VAT1L: variants seen among roughly 807,000 people sequenced by gnomAD.
VAT1L encodes the protein vesicle amine transport 1 like, also known as putative NADPH-dependent quinone oxidoreductase VAT1L.
In VAT1L, 34 loss-of-function variants were observed where a neutral mutation model predicts 44.1. The ratio of observed to expected loss-of-function variants is 0.77; its 90% CI spans 0.59 to 1.03. VAT1L has a LOEUF of 1.03. Among genes scored for constraint, VAT1L ranks in the 50% least tolerant of loss-of-function variants. The pLI is 0.00. For missense variants in VAT1L, 615 were observed against 538.8 expected (o/e 1.14, Z -1.40); for synonymous variants, 253 against 202.2 (o/e 1.25, Z -2.13).
Position 77,795,277 on chromosome 16 carries a change from TGGG to T in VAT1L, c.233+6365_233+6367del, listed in dbSNP as rs145455817. Among the ~76,000 whole-genome samples, 7 of 71,208 alleles carry T rather than the reference TGGG, an allele frequency of 9.8e-5. No homozygotes were observed. In the East Asian group the frequency reaches 5.0e-3, roughly 51 times the overall value. 46.7% of individuals were successfully genotyped at this position (71,208 alleles called of 152,430 possible). ...AAGCAATAATTGGTAGAATTTACAG[TGGG>T]GGCGGGGGGAAAGATTGAGAAATTA... is the stretch of plus-strand genomic sequence containing the variant. On this transcript the variant is annotated intron_variant, in intron 1 of 8. Transcript: ENST00000302536.
chr16:77,921,153 G>T (rs1476191629), intron 7 of VAT1L, among the ~76,000 whole-genome samples: 1 of 152,164 alleles, frequency 6.6e-6, no homozygotes, highest in African/African-American at 2.4e-5. Flanking sequence ...ATGGTAAGAA[G>T]GGCCATTACT....
At chr16:77,948,480 G>C (rs919312985) in intron 7 of VAT1L, among the ~76,000 whole-genome samples, 3 of 152,168 alleles carry the variant, frequency 2.0e-5, no homozygotes, top group African/African-American at 7.2e-5. Context: ...TGGAACTGTC[G>C]TTATAGTTGT....
chr16:77,821,877 G>T (rs2016458872), intron 2 of VAT1L, among the ~76,000 whole-genome samples: 1 of 152,124 alleles, frequency 6.6e-6, no homozygotes. Flanking sequence ...GAACATTTGA[G>T]CTGAGCTTTA....
At chr16:77,815,968 C>CAAA (rs57312031) in intron 1 of VAT1L, among the ~76,000 whole-genome samples, 641 of 32,826 alleles carry the variant, frequency 0.02, 12 homozygotes, top group African/African-American at 0.039. Flanking sequence ...AACTCTGTCT[C>CAAA]AAAAAAAAAA....
intron 6 of VAT1L, among the ~76,000 whole-genome samples, chr16:77,883,040 A>C (rs139062981): frequency 2.6e-5 from 4 of 152,258 alleles, no homozygotes; most frequent in Admixed American, 2.0e-4. Context: ...ATTGTTTTCA[A>C]CCTGCCTTTT....
At chr16:77,959,710 A>G (rs1415360677) in intron 7 of VAT1L, among the ~76,000 whole-genome samples, 1 of 152,220 alleles carries the variant, frequency 6.6e-6, no homozygotes, top group African/African-American at 2.4e-5. Context: ...GTTGGCTACT[A>G]TGAAGCACTA....
At chr16:77,953,182 A>G (rs1365424817) in intron 7 of VAT1L, among the ~76,000 whole-genome samples, 1 of 152,158 alleles carries the variant, frequency 6.6e-6, no homozygotes, top group African/African-American at 2.4e-5. Context: ...AAATAATGGA[A>G]AAGATTCTTT....
chr16:77,857,816 A>C (rs2016874493), intron 3 of VAT1L, among the ~76,000 whole-genome samples: 1 of 149,042 alleles, frequency 6.7e-6, no homozygotes, highest in Non-Finnish European at 1.5e-5. Flanking sequence ...AGTGATTTGG[A>C]TTACCTATAT....
intron 7 of VAT1L, among the ~76,000 whole-genome samples, chr16:77,935,014 C>A (rs1454713040): frequency 6.6e-6 from 1 of 151,994 alleles, no homozygotes. Flanking sequence ...ATAAAAAGGC[C>A]TCTTGGTGCT....
intron 1 of VAT1L, among the ~76,000 whole-genome samples, chr16:77,792,385 A>C (rs2015850844): frequency 6.6e-6 from 1 of 152,104 alleles, no homozygotes; most frequent in Admixed American, 6.5e-5. Flanking sequence ...TTGGAGGCAG[A>C]ACCTGACGCA....
At chr16:77,944,474 A>G (rs978032486) in intron 7 of VAT1L, among the ~76,000 whole-genome samples, 2 of 152,190 alleles carry the variant, frequency 1.3e-5, no homozygotes, top group African/African-American at 2.4e-5. Context: ...TATTCCCATC[A>G]TTAAATCCTC....
At chr16:77,842,321 G>T (rs957230271) in intron 3 of VAT1L, among the ~76,000 whole-genome samples, 1 of 152,180 alleles carries the variant, frequency 6.6e-6, no homozygotes, top group African/African-American at 2.4e-5. Context: ...CCCACTCAGT[G>T]TCTGGCCCTG....
At position 77,979,660 on chromosome 16, in the gene VAT1L, T is replaced by TA. The variant is rs916716471; in HGVS notation, c.*1970dup. On this transcript the variant is annotated 3_prime_UTR_variant, in exon 9 of 9. Coordinates refer to ENST00000302536, the MANE Select transcript of VAT1L (RefSeq NM_020927.3). ...CTTTGTTATGTCCAGAGGAGAGGCATAAAAAGGCACTCTCCCCCACCACCC... is the reference window on the plus strand; with the variant it reads ...CTTTGTTATGTCCAGAGGAGAGGCATAAAAAAGGCACTCTCCCCCACCACCC... The TA allele has an allele frequency of 1.1e-4, 16 of 152,108 alleles. No homozygotes were observed. The highest frequency in any genetic ancestry group is 3.9e-4 in the African/African-American group (16 of 41,414). 9.4% of individuals were successfully genotyped at this position (152,108 alleles called of 1,614,324 possible). A position where few individuals can be genotyped will look rare whatever the true frequency, so the allele number is the denominator to read the frequency against.
intron 2 of VAT1L, among the ~76,000 whole-genome samples, chr16:77,820,922 G>C (rs1041136831): frequency 5.9e-5 from 9 of 152,188 alleles, no homozygotes; most frequent in African/African-American, 2.2e-4. Flanking sequence ...TGCCCCAGCA[G>C]TCCCTGCCCT....
At chr16:77,969,459 C>A (rs141195897) in intron 7 of VAT1L, among the ~76,000 whole-genome samples, 1 of 151,774 alleles carries the variant, frequency 6.6e-6, no homozygotes, top group Non-Finnish European at 1.5e-5. Flanking sequence ...GCATTTGGAC[C>A]GAGGGTATCT....
At chr16:77,960,262 A>G (rs902650552) in intron 7 of VAT1L, among the ~76,000 whole-genome samples, 3 of 152,176 alleles carry the variant, frequency 2.0e-5, no homozygotes, top group Non-Finnish European at 4.4e-5. Flanking sequence ...AACAGTTAGT[A>G]CACACTCAGT....
intron 1 of VAT1L, among the ~76,000 whole-genome samples, chr16:77,809,019 G>A (rs1244922537): frequency 6.6e-6 from 1 of 152,222 alleles, no homozygotes; most frequent in Non-Finnish European, 1.5e-5. Flanking sequence ...TGAGTGGAGA[G>A]TTCTTGTCTT....
At chr16:77,926,209 C>T (rs560477153) in intron 7 of VAT1L, among the ~76,000 whole-genome samples, 56 of 147,872 alleles carry the variant, frequency 3.8e-4, no homozygotes, top group Middle Eastern at 3.5e-3. Flanking sequence ...GCCGAGATCG[C>T]ACCACTGCAC....
chr16:77,975,724 G>A (rs932448870), intron 8 of VAT1L, among the ~76,000 whole-genome samples: 4 of 152,200 alleles, frequency 2.6e-5, no homozygotes, highest in African/African-American at 9.6e-5. Flanking sequence ...TAATGAGGCT[G>A]GACCAAAGCA....
Sources: gnomAD v4.1 joint callset for allele counts (sites outside exome capture counted in the v4.1 genomes callset) on GRCh38, gnomAD v4.1.1 for gene constraint, MANE v1.5 for transcripts, NCBI Gene and HGNC (gene_info 2026-07-23, HGNC 2026-07-21) for gene names.